CMIP: variants seen among roughly 807,000 people sequenced by gnomAD.
The protein encoded by CMIP is c-Maf inducing protein, also known as C-Maf-inducing protein.
CMIP carries 13 observed loss-of-function variants against 97.3 expected under a neutral mutation model. The ratio of observed to expected loss-of-function variants is 0.13; its 90% confidence interval spans 0.09 to 0.21. The LOEUF (loss-of-function observed/expected upper bound fraction) is 0.21. Among genes scored for constraint, CMIP ranks in the 10% least tolerant of loss-of-function variants. The pLI, the probability that CMIP is intolerant of heterozygous loss-of-function variation, is 1.00. For missense variants in CMIP, 847 were observed against 1,024.9 expected (o/e 0.83, Z 2.37); for synonymous variants, 538 against 436.3 (o/e 1.23, Z -2.91).
At chr16:81,648,304 G>A (rs1056403825) in intron 3 of CMIP, among the ~76,000 whole-genome samples, 3 of 151,888 alleles carry the variant, frequency 2.0e-5, no homozygotes, top group Admixed American at 6.6e-5. Flanking sequence ...TTGACCTCTC[G>A]GGGCCATGAT....
intron 19 of CMIP, 83 bp downstream of exon 19, chr16:81,705,687 A>G (rs1908055500): frequency 1.2e-6 from 1 of 841,716 alleles, no homozygotes. Context: ...CCAAGCACTG[A>G]CTTTGCACCA....
chr16:81,696,622 C>A lies in CMIP; in HGVS notation c.1593C>A (p.Pro531=). ...ATGGCTGGTTCCAGCTCTACAGCCC[C>A]GGAGGGGTGGCCTGCGACGATGACG... is the stretch of plus-strand genomic sequence containing the variant. ...GKDGWFQLYS[P]GGVACDDDGE... Residue 531 remains proline, a synonymous_variant, in exon 14 of 21, where the codon CCC becomes CCA. Transcript: ENST00000537098. The A allele has an allele frequency of 6.2e-7, 1 of 1,607,314 alleles. No individual in the cohort carries two copies. Among genetic ancestry groups the A allele is most frequent in the Non-Finnish European group, 8.5e-7 (1 of 1,179,830 alleles).
chr16:81,522,661 C>T (rs1395496820), intron 1 of CMIP, among the ~76,000 whole-genome samples: 1 of 152,144 alleles, frequency 6.6e-6, no homozygotes, highest in Non-Finnish European at 1.5e-5. Flanking sequence ...AAGCAAAAGC[C>T]ACAAAGATTA....
intron 1 of CMIP, among the ~76,000 whole-genome samples, chr16:81,598,968 C>CAAAAAAAAAAAAAAAA (rs141717317): frequency 4.0e-5 from 2 of 49,854 alleles, no homozygotes; most frequent in African/African-American, 1.6e-4. Flanking sequence ...GACTCTGTCT[C>CAAAAAAAAAAAAAAAA]AAAAAAAAAA....
chr16:81,525,328 A>T (rs1423443218), intron 1 of CMIP, among the ~76,000 whole-genome samples: 2 of 151,474 alleles, frequency 1.3e-5, no homozygotes, highest in Non-Finnish European at 2.9e-5. Context: ...GTTTCAGTAG[A>T]GACAGGGTTT....
chr16:81,693,601 A>G lies in CMIP; in HGVS notation c.1530+114A>G, dbSNP rs188011851. The G allele has an allele frequency of 9.1e-5, 105 of 1,156,838 alleles. 1 individual carries two copies. The East Asian group carries it at 1.1e-3, about 12-fold the overall frequency. The allele number at this position is 1,156,838 out of a possible 1,614,324, so 71.7% of individuals were successfully genotyped here. A position where few individuals can be genotyped will look rare whatever the true frequency, so the allele number is the denominator to read the frequency against. ...CCAACAGGCATTCAGAACAGCTTTCAGAGACCCATTGCCTGTGTATAAACA... is the reference window on the plus strand; with the variant it reads ...CCAACAGGCATTCAGAACAGCTTTCGGAGACCCATTGCCTGTGTATAAACA... On this transcript the variant is annotated intron_variant, in intron 13 of 20. Coordinates refer to ENST00000537098, the MANE Select transcript of CMIP (RefSeq NM_198390.3).
At chr16:81,504,528 A>G (rs2089669383) in intron 1 of CMIP, among the ~76,000 whole-genome samples, 1 of 150,734 alleles carries the variant, frequency 6.6e-6, no homozygotes, top group African/African-American at 2.5e-5. Flanking sequence ...CAGTAATCCC[A>G]GCTACTCGGG....
intron 1 of CMIP, among the ~76,000 whole-genome samples, chr16:81,568,766 G>A (rs912964270): frequency 1.3e-5 from 2 of 152,210 alleles, no homozygotes; most frequent in African/African-American, 4.8e-5. Flanking sequence ...AGTGACCCTT[G>A]AGCGTGGAAA....
At chr16:81,670,707 C>T (rs768102083) in intron 8 of CMIP, among the ~76,000 whole-genome samples, 6 of 151,576 alleles carry the variant, frequency 4.0e-5, no homozygotes, top group Non-Finnish European at 7.4e-5. Flanking sequence ...ACACAAGAAC[C>T]ATAGTATCCC....
intron 3 of CMIP, among the ~76,000 whole-genome samples, chr16:81,638,229 C>A (rs1472193311): frequency 6.6e-6 from 1 of 152,200 alleles, no homozygotes; most frequent in Non-Finnish European, 1.5e-5. Context: ...CCAGCGTGAT[C>A]TCCCCATCTC....
At chr16:81,610,880 C>G (rs1004136091) in intron 2 of CMIP, among the ~76,000 whole-genome samples, 2 of 152,114 alleles carry the variant, frequency 1.3e-5, no homozygotes, top group African/African-American at 4.8e-5. Flanking sequence ...ATACAACATA[C>G]TGTATTAGAT....
rs2091837787 is a variant in CMIP at position 81,611,884 on chromosome 16, GAC to G, written c.426+4194_426+4195del. 2.0e-5 allele frequency among the ~76,000 whole-genome samples: 3 copies of G among 152,366 alleles called. No homozygotes were observed. In the East Asian group the frequency reaches 5.8e-4, roughly 29 times the overall value. ...CCATGCCCCTCATCCCCAGCTCAGA[GAC>G]AGAGCAATCTACCAGCAGGTTGAGT... On this transcript the variant is annotated intron_variant, in intron 2 of 20. Transcript: ENST00000537098.
intron 1 of CMIP, among the ~76,000 whole-genome samples, chr16:81,526,396 AG>A (rs1424798664): frequency 7.2e-5 from 11 of 152,248 alleles, no homozygotes; most frequent in Non-Finnish European, 1.5e-4. Flanking sequence ...CCTGTGACTT[AG>A]TCATCAATAG....
At chr16:81,540,656 G>A (rs1048081299) in intron 1 of CMIP, among the ~76,000 whole-genome samples, 2 of 148,136 alleles carry the variant, frequency 1.4e-5, no homozygotes, top group Admixed American at 1.3e-4. Flanking sequence ...GTGTGTGTGT[G>A]TGTGTGTGTG....
At position 81,620,863 on chromosome 16, in the gene CMIP, C is replaced by G; in HGVS notation, c.427-13C>G. On this transcript the variant is annotated splice_polypyrimidine_tract_variant and intron_variant, in intron 2 of 20. Coordinates refer to ENST00000537098, the MANE Select transcript of CMIP (RefSeq NM_198390.3). ...GATGACCGGACCTTGCTGTCCTGTT[C>G]TTGTCGTTACAGGCTGCCAATAGCT... 3 of 1,613,940 alleles carry G rather than the reference C, an allele frequency of 1.9e-6. No homozygotes were observed. Among genetic ancestry groups the G allele is most frequent in the Non-Finnish European group, 2.5e-6 (3 of 1,179,866 alleles).
intron 3 of CMIP, among the ~76,000 whole-genome samples, chr16:81,633,763 C>T (rs2092197313): frequency 6.6e-6 from 1 of 152,238 alleles, no homozygotes; most frequent in South Asian, 2.1e-4. Context: ...GGGGCTGGCA[C>T]ATGCTTGGAC....
intron 1 of CMIP, among the ~76,000 whole-genome samples, chr16:81,446,310 T>G (rs1428204442): frequency 6.6e-6 from 1 of 151,980 alleles, no homozygotes; most frequent in Non-Finnish European, 1.5e-5. Flanking sequence ...TTTAAATACA[T>G]GGGTAGGACT....
chr16:81,465,706 G>T (rs2150741791), intron 1 of CMIP, among the ~76,000 whole-genome samples: 1 of 152,364 alleles, frequency 6.6e-6, no homozygotes, highest in East Asian at 1.9e-4. Context: ...CATTTCGCCT[G>T]TGGTGGTGAC....
intron 1 of CMIP, among the ~76,000 whole-genome samples, chr16:81,590,880 A>G (rs980019946): frequency 6.6e-6 from 1 of 151,218 alleles, no homozygotes; most frequent in Non-Finnish European, 1.5e-5. Flanking sequence ...TCACATTTCT[A>G]TTTCCTCTTG....
Sources: gnomAD v4.1 joint callset for allele counts (sites outside exome capture counted in the v4.1 genomes callset) on GRCh38, gnomAD v4.1.1 for gene constraint, MANE v1.5 for transcripts, NCBI Gene and HGNC (gene_info 2026-07-23, HGNC 2026-07-21) for gene names.